The following MYT1L variants were observed in gnomAD, a reference collection of about 807,000 sequenced individuals.
MYT1L encodes myelin transcription factor 1 like.
In MYT1L, 12 loss-of-function variants were observed where a neutral mutation model predicts 126.7. That is an observed-to-expected ratio of 0.09 (90% CI 0.06 to 0.15). The LOEUF is 0.15. Ranked by LOEUF, MYT1L falls within the 10% of genes least tolerant of loss-of-function variation. MYT1L has a pLI of 1.00. For missense variants in MYT1L, 979 were observed against 1,585.2 expected (o/e 0.62, Z 6.49); for synonymous variants, 541 against 604.2 (o/e 0.90, Z 1.53).
chr2:2,165,268 G>A (rs144506784), intron 3 of MYT1L, among the ~76,000 whole-genome samples: 5 of 151,878 alleles, frequency 3.3e-5, no homozygotes, highest in Admixed American at 1.3e-4. Context: ...CACCAAGTAC[G>A]GGTGGGGTAC....
At chr2:2,226,115 C>T (rs190422462) in intron 2 of MYT1L, among the ~76,000 whole-genome samples, 45 of 152,142 alleles carry the variant, frequency 3.0e-4, no homozygotes, top group Non-Finnish European at 5.7e-4. Context: ...TATCTAGAGG[C>T]GGCAATGCAG....
At chr2:2,325,920 G>A (rs2096241339) in intron 1 of MYT1L, 2 of 152,432 alleles carry the variant, frequency 1.3e-5, no homozygotes, top group Non-Finnish European at 2.9e-5. Context: ...AGGCAGGCAG[G>A]TGGAGAAACA....
intron 2 of MYT1L, among the ~76,000 whole-genome samples, chr2:2,183,922 G>A (rs2091826888): frequency 7.3e-6 from 1 of 137,452 alleles, no homozygotes; most frequent in African/African-American, 2.7e-5. Context: ...GAAGGAGAGA[G>A]AGGAAGGAAG....
intron 2 of MYT1L, among the ~76,000 whole-genome samples, chr2:2,236,549 C>T (rs1327111210): frequency 7.6e-5 from 11 of 145,128 alleles, no homozygotes; most frequent in African/African-American, 2.3e-4. Context: ...CAGCCCAGCA[C>T]ATCCCAACCC....
intron 3 of MYT1L, among the ~76,000 whole-genome samples, chr2:2,122,018 C>T (rs1575320691): frequency 6.6e-6 from 1 of 152,304 alleles, no homozygotes; most frequent in East Asian, 1.9e-4. Flanking sequence ...TGAGGTCTTC[C>T]TACGCTCTTG....
At chr2:2,194,548 T>C (rs2092718398) in intron 2 of MYT1L, among the ~76,000 whole-genome samples, 1 of 152,170 alleles carries the variant, frequency 6.6e-6, no homozygotes, top group Non-Finnish European at 1.5e-5. Flanking sequence ...TTGGAAGCTT[T>C]GGGCTGTGTG....
At chr2:1,899,251 G>A (rs1008213418) in intron 14 of MYT1L, among the ~76,000 whole-genome samples, 1 of 152,260 alleles carries the variant, frequency 6.6e-6, no homozygotes, top group African/African-American at 2.4e-5. Context: ...TGCACTGTGG[G>A]AGCAACCGCA....
intron 2 of MYT1L, among the ~76,000 whole-genome samples, chr2:2,180,563 CGT>C (rs752239148): frequency 1.4e-5 from 2 of 143,494 alleles, no homozygotes; most frequent in Non-Finnish European, 3.1e-5. Flanking sequence ...TGTGTGGGCC[CGT>C]GTGTGTACCT....
At chr2:2,310,945 C>A (rs558688827) in intron 1 of MYT1L, among the ~76,000 whole-genome samples, 1 of 152,198 alleles carries the variant, frequency 6.6e-6, no homozygotes, top group South Asian at 2.1e-4. Flanking sequence ...ACTATCCAAC[C>A]AAAGAAAATA....
At chr2:1,985,147 G>A (rs2060913772) in intron 5 of MYT1L, among the ~76,000 whole-genome samples, 1 of 152,166 alleles carries the variant, frequency 6.6e-6, no homozygotes, top group Admixed American at 6.5e-5. Context: ...CCACTAACCA[G>A]GAAGCAATTT....
rs963696311 is a variant in MYT1L at position 2,296,753 on chromosome 2, G to T, written c.-520-12250C>A. Among the ~76,000 whole-genome samples the T allele has an allele frequency of 5.7e-4, 87 of 152,164 alleles. 1 individual carries two copies. The highest frequency in any genetic ancestry group is 2.1e-3 in the African/African-American group (85 of 41,428). On this transcript the variant is annotated intron_variant, in intron 1 of 24. Coordinates refer to ENST00000647738, the MANE Select transcript of MYT1L (RefSeq NM_001303052.2). ...GCACCATGCGTCCCTCTAGTAAAGA[G>T]AAGCTGGTGGATGGTCTCGGCCTGG...
At chr2:1,927,921 G>GA (rs1472713826) in intron 9 of MYT1L, among the ~76,000 whole-genome samples, 1 of 116,014 alleles carries the variant, frequency 8.6e-6, no homozygotes, top group Admixed American at 7.5e-5. Context: ...CAATGATAAG[G>GA]AAAAAAAACC....
At chr2:1,941,246 G>A (rs112421371) in intron 9 of MYT1L, among the ~76,000 whole-genome samples, 1,542 of 152,180 alleles carry the variant, frequency 0.01, 25 homozygotes, top group African/African-American at 0.035. Context: ...TGGTGTAAAC[G>A]ATACCTATTT....
At chr2:2,052,848 G>C (rs1231943147) in intron 4 of MYT1L, among the ~76,000 whole-genome samples, 1 of 152,140 alleles carries the variant, frequency 6.6e-6, no homozygotes, top group Non-Finnish European at 1.5e-5. Context: ...ACCACTTTAT[G>C]GTGCAGCCAC....
chr2:1,861,669 GTGGATCCTCCTACGGCCTGTGTAATCC>G (rs2044641496), intron 18 of MYT1L, among the ~76,000 whole-genome samples: 1 of 14,632 alleles, frequency 6.8e-5, no homozygotes, highest in African/African-American at 2.6e-4. Context: ...CTGTGTAATC[GTGGATCCTCCTACGGCCTGTGTAATCC>G]TGGATCTGCC....
intron 1 of MYT1L, among the ~76,000 whole-genome samples, chr2:2,321,580 A>G (rs532674739): frequency 6.6e-6 from 1 of 152,268 alleles, no homozygotes; most frequent in African/African-American, 2.4e-5. Flanking sequence ...CCGACTTTTG[A>G]AAAACCATTC....
rs1418954131 is a variant in MYT1L at position 1,979,842 on chromosome 2, G to A, written c.1-65C>T. On this transcript the variant is annotated intron_variant, in intron 5 of 24. Transcript: ENST00000647738. This position sits in a 1 kb window ranked among gnomAD's most constrained non-coding sequence, Gnocchi z 4.0. ...CTGTGCAGGCCAGCCCTGCAGGGGC[G>A]GCTCACTCTCCCTGGCATTCTATTA... The A allele has an allele frequency of 1.8e-5, 28 of 1,541,274 alleles. No individual in the cohort carries two copies. Among genetic ancestry groups the A allele is most frequent in the Non-Finnish European group, 2.4e-5 (27 of 1,117,168 alleles).
chr2:2,158,512 C>T (rs1418825390), intron 3 of MYT1L, among the ~76,000 whole-genome samples: 1 of 152,056 alleles, frequency 6.6e-6, no homozygotes, highest in East Asian at 1.9e-4. Context: ...AAAGCAGAAA[C>T]CTTGAGCTGG....
At chr2:2,273,399 C>A (rs1425817134) in intron 2 of MYT1L, among the ~76,000 whole-genome samples, 2 of 152,204 alleles carry the variant, frequency 1.3e-5, no homozygotes, top group African/African-American at 2.4e-5. Context: ...ATGGAGAAGT[C>A]TCAAATTCCA....
Sources: allele counts gnomAD v4.1 joint callset (sites outside exome capture counted in the v4.1 genomes callset), GRCh38; gene constraint gnomAD v4.1.1; non-coding constraint Gnocchi (gnomAD v3.1); transcripts MANE v1.5; gene names NCBI Gene and HGNC (gene_info 2026-07-23, HGNC 2026-07-21).